CAPN14: variants seen among roughly 807,000 people sequenced by gnomAD.
CAPN14 encodes the protein calpain 14.
Under a neutral mutation model 101.3 loss-of-function variants are expected in CAPN14, and 94 were observed. That is an observed-to-expected ratio of 0.93 (90% CI 0.79 to 1.10). The LOEUF (loss-of-function observed/expected upper bound fraction) is 1.10. Among genes scored for constraint, CAPN14 ranks in the 50% least tolerant of loss-of-function variants. The probability of loss-of-function intolerance (pLI) is 0.00; values close to 1 mark genes in which losing one functional copy is unlikely to be tolerated. For missense variants in CAPN14, 837 were observed against 828.4 expected (o/e 1.01, Z -0.13); for synonymous variants, 338 against 317.9 (o/e 1.06, Z -0.67).
chr2:31,203,434 C>T (rs976228664), intron 2 of CAPN14, among the ~76,000 whole-genome samples: 2 of 152,086 alleles, frequency 1.3e-5, no homozygotes, highest in African/African-American at 4.8e-5. Flanking sequence ...AATGGAAACA[C>T]TTTTATAGGA....
intron 16 of CAPN14, among the ~76,000 whole-genome samples, chr2:31,183,200 G>A (rs1639006845): frequency 6.6e-6 from 1 of 151,954 alleles, no homozygotes; most frequent in Non-Finnish European, 1.5e-5. Flanking sequence ...ATGGATTAAA[G>A]ACTTACATGT....
At position 31,192,084 on chromosome 2, in the gene CAPN14, T is replaced by C. The variant is rs758769067; in HGVS notation, c.1129A>G (p.Asn377Asp). ...RQLLQDTFWK[N>D]PQFLLSVWRP... ...CAGACAGACAGCAGGAACTGCGGGT[T>C]CTTCCAAAATGTGTCTGGAGCAGAA... is the stretch of plus-strand genomic sequence containing the variant. Residue 377 changes from asparagine to aspartate, a missense_variant, in exon 11 of 22, where the codon AAC becomes GAC. Coordinates refer to ENST00000403897, the MANE Select transcript of CAPN14 (RefSeq NM_001145122.2). The C allele has an allele frequency of 1.3e-6, 2 of 1,549,114 alleles. No individual in the cohort carries two copies. Among genetic ancestry groups the C allele is most frequent in the South Asian group, 2.4e-5 (2 of 83,762 alleles).
upstream of CAPN14, among the ~76,000 whole-genome samples, chr2:31,218,166 G>C (rs1027358979): frequency 2.0e-5 from 3 of 152,058 alleles, no homozygotes; most frequent in African/African-American, 7.2e-5. Flanking sequence ...TCCAAATCTG[G>C]TTGTTCTTCC....
chr2:31,215,045 G>A (rs1345017031), intron 1 of CAPN14, among the ~76,000 whole-genome samples: 1 of 152,056 alleles, frequency 6.6e-6, no homozygotes, highest in Non-Finnish European at 1.5e-5. Context: ...TGACTTCAGT[G>A]GAGTCACTCT....
At chr2:31,191,887 G>T in intron 11 of CAPN14, 48 bp downstream of exon 11, 2 of 1,457,698 alleles carry the variant, frequency 1.4e-6, no homozygotes, top group Non-Finnish European at 1.8e-6. Flanking sequence ...AACTGTTGGT[G>T]ACCCCCACGC....
At chr2:31,222,625 A>C (rs939824401) in intron 2 of CAPN14, among the ~76,000 whole-genome samples, 7 of 152,212 alleles carry the variant, frequency 4.6e-5, no homozygotes, top group African/African-American at 1.4e-4. Context: ...TGCACTCAAT[A>C]CATTTTTTGA....
chr2:31,219,056 T>C (rs1682777300), upstream of CAPN14, among the ~76,000 whole-genome samples: 2 of 152,114 alleles, frequency 1.3e-5, no homozygotes, highest in African/African-American at 4.8e-5. Context: ...CATCATCTTT[T>C]CAGGGACTCC....
rs200657395 is a variant in CAPN14, at chr2:31,199,529, TCTC to T, written c.727_729del (p.Glu243del). On this transcript the variant is annotated inframe_deletion and splice_region_variant, in exon 7 of 22. Transcript: ENST00000403897. ...TCCACCAGCCCATTCTCCAGAATCT[TCTC>T]CTGCAGAGACAAGAGAGGTCCTGAT... 2,179 of 1,551,362 alleles carry T rather than the reference TCTC, an allele frequency of 1.4e-3. 16 individuals carry two copies. In the East Asian group the frequency reaches 0.025, roughly 18 times the overall value.
intron 1 of CAPN14, among the ~76,000 whole-genome samples, chr2:31,232,716 C>T (rs1683232521): frequency 6.6e-6 from 1 of 152,190 alleles, no homozygotes; most frequent in Admixed American, 6.5e-5. Flanking sequence ...ATCCAATCTC[C>T]TCCCACCAGC....
In CAPN14 at chr2:31,200,507, T is replaced by C; in HGVS notation, c.670A>G (p.Ile224Val). 1.9e-6 allele frequency: 3 copies of C among 1,551,464 alleles called. No homozygotes were observed. Among genetic ancestry groups the C allele is most frequent in the South Asian group, 1.2e-5 (1 of 84,052 alleles). ...CTGTTGTAGGTGGCTTCGATGAGGA[T>C]GTCCCAGAGGTTGCCATGGGCTTCT... ...LAEAHGNLWD[I>V]LIEATYNRTL... Residue 224 changes from isoleucine to valine, a missense_variant, in exon 6 of 22, where the codon ATC (isoleucine) becomes GTC (valine). By Grantham distance (29) the Ile-to-Val change is conservative. Coordinates refer to ENST00000403897, the MANE Select transcript of CAPN14 (RefSeq NM_001145122.2).
Position 31,201,902 on chromosome 2 carries a change from TC to T in CAPN14, c.510del (p.Asn171ThrfsTer32). On this transcript the variant is annotated frameshift_variant, in exon 5 of 22. Coordinates refer to ENST00000403897, the MANE Select transcript of CAPN14 (RefSeq NM_001145122.2). LOFTEE classifies it high-confidence loss of function. ...GQLVFVSSTY[K>X]NLFWGALLEK... ...TCCAGAAGTGCTCCCCAGAACAAGT[TC>T]TTATAGGTGGAGGAGACAAAGACCA... 1 of 1,551,710 alleles carries T rather than the reference TC, an allele frequency of 6.4e-7. No individual in the cohort carries two copies. The highest frequency in any genetic ancestry group is 8.7e-7 in the Non-Finnish European group (1 of 1,147,010).
intron 5 of CAPN14, 138 bp downstream of exon 5, chr2:31,201,724 C>A: frequency 8.9e-7 from 1 of 1,125,608 alleles, no homozygotes; most frequent in East Asian, 2.6e-5. Context: ...AGACTGAATA[C>A]GTTGTCACTT....
chr2:31,191,642 G>A (rs1261725805), intron 11 of CAPN14, among the ~76,000 whole-genome samples: 1 of 152,210 alleles, frequency 6.6e-6, no homozygotes, highest in African/African-American at 2.4e-5. Context: ...TTTGGGGAGA[G>A]GAAAAGGAAG....
chr2:31,209,398 G>C (rs1391496664), intron 1 of CAPN14, among the ~76,000 whole-genome samples: 2 of 152,100 alleles, frequency 1.3e-5, no homozygotes, highest in Admixed American at 6.5e-5. Context: ...ATGATGGTGA[G>C]AGGTGTCAAA....
intron 1 of CAPN14, among the ~76,000 whole-genome samples, chr2:31,229,512 C>A (rs1017072560): frequency 9.2e-5 from 14 of 151,942 alleles, no homozygotes; most frequent in African/African-American, 2.9e-4. Flanking sequence ...TCCATCTCTA[C>A]TAAAAATACA....
intron 2 of CAPN14, among the ~76,000 whole-genome samples, chr2:31,204,193 T>C (rs1256189631): frequency 6.6e-6 from 1 of 152,186 alleles, no homozygotes; most frequent in Non-Finnish European, 1.5e-5. Context: ...GGGCTACATC[T>C]TAGACCATTC....
Position 31,199,548 on chromosome 2 carries a change from A to C in CAPN14, c.727-16T>G. On this transcript the variant is annotated splice_polypyrimidine_tract_variant and intron_variant, in intron 6 of 21. Coordinates refer to ENST00000403897, the MANE Select transcript of CAPN14 (RefSeq NM_001145122.2). ...GAATCTTCTCCTGCAGAGACAAGAG[A>C]GGTCCTGATCAGTCTTCTGTTATGT... The C allele has an allele frequency of 6.5e-7, 1 of 1,549,584 alleles. No homozygotes were observed. The highest frequency in any genetic ancestry group is 2.4e-5 in the East Asian group (1 of 40,910).
Position 31,203,076 on chromosome 2 carries a change from T to TC in CAPN14, c.288dup (p.Ile97AspfsTer33). 1 of 1,551,360 alleles carries TC rather than the reference T, an allele frequency of 6.4e-7. No individual in the cohort carries two copies. ...CGGGGCTGTGCAAACTTACCTACTATCCCCTGGCACAGATCCAGCCTTTTG... is the reference window on the plus strand; with the variant it reads ...CGGGGCTGTGCAAACTTACCTACTATCCCCCTGGCACAGATCCAGCCTTTTG... On this transcript the variant is annotated frameshift_variant, in exon 3 of 22. Coordinates refer to ENST00000403897, the MANE Select transcript of CAPN14 (RefSeq NM_001145122.2). LOFTEE classifies it high-confidence loss of function.
chr2:31,197,374 T>G, intron 7 of CAPN14, 40 bp from the exon 8 acceptor site: 1 of 1,375,808 alleles, frequency 7.3e-7, no homozygotes, highest in Non-Finnish European at 1.0e-6. Context: ...CTGGGCTGAG[T>G]GCAAACATTC....
Sources: gnomAD v4.1 joint callset for allele counts (sites outside exome capture counted in the v4.1 genomes callset) on GRCh38, gnomAD v4.1.1 for gene constraint, MANE v1.5 for transcripts, NCBI Gene and HGNC (gene_info 2026-07-23, HGNC 2026-07-21) for gene names.